The following TRIOBP variants were observed in gnomAD, a reference collection of about 807,000 sequenced individuals.
TRIOBP encodes TRIO and F-actin-binding protein.
TRIOBP carries 169 observed loss-of-function variants against 238.8 expected under a neutral mutation model. That is an observed-to-expected ratio of 0.71 (90% confidence interval 0.62 to 0.80). The LOEUF is 0.80. TRIOBP is among the 30% of genes least tolerant of loss of function. TRIOBP has a pLI of 0.00. For missense variants in TRIOBP, 2,838 were observed against 3,122.6 expected (o/e 0.91, Z 2.17); for synonymous variants, 1,150 against 1,274.4 (o/e 0.90, Z 2.08).
chr22:37,751,703 C>T (rs1485619228), intron 11 of TRIOBP, 69 bp from the exon 12 acceptor site: 16 of 1,553,760 alleles, frequency 1.0e-5, no homozygotes, highest in East Asian at 2.2e-5. Flanking sequence ...GGGTGCAGCA[C>T]GCTCCCCTCA....
intron 12 of TRIOBP, among the ~76,000 whole-genome samples, chr22:37,753,772 G>A (rs765731393): frequency 6.6e-6 from 1 of 152,222 alleles, no homozygotes; most frequent in African/African-American, 2.4e-5. Flanking sequence ...TCTTCTTGAG[G>A]AGAGAAAACT....
Position 37,724,937 on chromosome 22 carries a change from C to A in TRIOBP, c.2381C>A (p.Ser794Tyr). ...NRATRDNPRT[S>Y]CAQRDNLRAS... ...GCCACACGAGACAACCCCAGAACAT[C>A]CTGTGCCCAGCGGGACAATCTCAGA... The change falls in exon 7 of 24, where the codon TCC becomes TAC. Residue 794 changes from serine (S) to tyrosine (Y), a missense_variant. Transcript: ENST00000644935. 6.2e-7 allele frequency: 1 copy of A among 1,614,036 alleles called. No individual in the cohort carries two copies.
intron 3 of TRIOBP, among the ~76,000 whole-genome samples, chr22:37,708,793 C>G (rs1015527098): frequency 6.6e-6 from 1 of 152,138 alleles, no homozygotes; most frequent in Non-Finnish European, 1.5e-5. Context: ...GGATGGGGCC[C>G]GAGGTCCATC....
At chr22:37,718,151 CCCA>C (rs1271580896) in intron 6 of TRIOBP, among the ~76,000 whole-genome samples, 1 of 152,222 alleles carries the variant, frequency 6.6e-6, no homozygotes. Flanking sequence ...GCCCACCAAG[CCCA>C]CGCCCACCCG....
intron 3 of TRIOBP, among the ~76,000 whole-genome samples, chr22:37,704,403 AGAACAGAACAGAACAGAACAGAACAGAAC>A (rs1922819810): frequency 3.4e-5 from 1 of 29,400 alleles, no homozygotes; most frequent in Admixed American, 4.4e-4. Context: ...AGAACAGAAC[AGAACAGAACAGAACAGAACAGAACAGAAC>A]AGAACAGTAC....
chr22:37,755,605 G>C lies in TRIOBP; in HGVS notation c.5633G>C (p.Trp1878Ser). 1 of 1,614,114 alleles carries C rather than the reference G, an allele frequency of 6.2e-7. No homozygotes were observed. Among genetic ancestry groups the C allele is most frequent in the Non-Finnish European group, 8.5e-7 (1 of 1,180,032 alleles). ...SAMTSGIRRN[W>S]IEALRKTVRP... The stretch of plus-strand genomic sequence containing the variant: ...ATGACCTCAGGCATCCGGCGGAACT[G>C]GATCGAGGCTCTGAGAAAGACCGTA... The change falls in exon 15 of 24, where the codon TGG becomes TCG. Residue 1878 changes from tryptophan to serine, a missense_variant. Physicochemically the swap from Trp to Ser is radical, Grantham distance 177 (BLOSUM62 -3). This residue lies in a region of TRIOBP where 2,096 missense variants were observed against 2,137.4 expected (regional missense o/e 0.98). Coordinates refer to ENST00000644935, the MANE Select transcript of TRIOBP (RefSeq NM_001039141.3).
intron 18 of TRIOBP, among the ~76,000 whole-genome samples, chr22:37,767,041 A>G (rs1003897871): frequency 3.9e-5 from 6 of 152,100 alleles, no homozygotes; most frequent in Non-Finnish European, 4.4e-5. Flanking sequence ...TCACGAGGTC[A>G]GGAGTTCAAG....
In TRIOBP at chr22:37,715,403, C is replaced by T. The variant is rs569184202; in HGVS notation, c.457-360C>T. ...TGTCACCCAGGCTGGAGCTCAGTGG[C>T]GCGATCTCCACTCAATGCAAGCTCC... On this transcript the variant is annotated intron_variant, in intron 5 of 23. Transcript: ENST00000644935. 7.2e-5 allele frequency among the ~76,000 whole-genome samples: 11 copies of T among 151,976 alleles called. No homozygotes were observed. The East Asian group carries it at 1.7e-3, about 24-fold the overall frequency.
At chr22:37,761,994 T>C (rs1218312869) in intron 17 of TRIOBP, among the ~76,000 whole-genome samples, 1 of 144,316 alleles carries the variant, frequency 6.9e-6, no homozygotes, top group Non-Finnish European at 1.5e-5. Context: ...CTGCAGGGGC[T>C]GCTTTCTGGG....
rs758663750 is a variant in TRIOBP at position 37,701,482 on chromosome 22, G to A, written c.114+3G>A. ...AGGCCCATGGAGCAAGATACCAGGT[G>A]GGCCAGTTTTCCACGTGGTTGGGGT... On this transcript the variant is annotated splice_donor_region_variant and intron_variant, in intron 3 of 23. Coordinates refer to ENST00000644935, the MANE Select transcript of TRIOBP (RefSeq NM_001039141.3). The A allele has an allele frequency of 1.2e-5, 20 of 1,606,910 alleles. No homozygotes were observed. The South Asian group carries it at 1.9e-4, about 15-fold the overall frequency.
In TRIOBP at chr22:37,755,090, T is replaced by C. The variant is rs778159888; in HGVS notation, c.5488-11T>C. On this transcript the variant is annotated splice_polypyrimidine_tract_variant and intron_variant, in intron 13 of 23. Coordinates refer to ENST00000644935, the MANE Select transcript of TRIOBP (RefSeq NM_001039141.3). Reference sequence around the variant, plus strand: ...GGCCCACACGGACCATAGTGGGCCCTCTTGCTCCAGGCAGATGAGCTGGAT... The same window carrying C: ...GGCCCACACGGACCATAGTGGGCCCCCTTGCTCCAGGCAGATGAGCTGGAT... 3 of 1,612,328 alleles carry C rather than the reference T, an allele frequency of 1.9e-6. No individual in the cohort carries two copies. Among genetic ancestry groups the C allele is most frequent in the Non-Finnish European group, 2.5e-6 (3 of 1,179,350 alleles).
chr22:37,733,485 C>A, intron 8 of TRIOBP, 73 bp downstream of exon 8: 1 of 1,198,160 alleles, frequency 8.3e-7, no homozygotes, highest in Non-Finnish European at 1.2e-6. Flanking sequence ...CGCTAGAAGC[C>A]AGGCAGGGGG....
chr22:37,772,785 C>T (rs1926850239), intron 23 of TRIOBP, 21 bp downstream of exon 23: 1 of 1,609,240 alleles, frequency 6.2e-7, no homozygotes, highest in South Asian at 1.1e-5. Flanking sequence ...AGGCGTGTGC[C>T]CTGCAGGGTG....
chr22:37,768,881 C>G (rs933365485), intron 19 of TRIOBP, 147 bp from the exon 20 acceptor site: 2 of 1,072,870 alleles, frequency 1.9e-6, no homozygotes, highest in Non-Finnish European at 2.8e-6. Context: ...GAGAAGCTGT[C>G]ACTGGTTCAC....
rs768735088 is a variant in TRIOBP, at chr22:37,734,606, C to G, written c.4270C>G (p.Leu1424Val). 4.4e-6 allele frequency: 7 copies of G among 1,582,184 alleles called. No individual in the cohort carries two copies. Among genetic ancestry groups the G allele is most frequent in the Middle Eastern group, 3.3e-4 (2 of 6,024 alleles). ...TGGCCAAGCAGGCCCAAGACAGCCT[C>G]TGGGGGTGTGGCAGAGTCAGGAGGA... ...ESGQAGPRQP[L>V]GVWQSQEEPP... The change falls in exon 9 of 24, where the codon CTG (leucine) becomes GTG (valine). Residue 1424 changes from leucine to valine, a missense_variant. Leu to Val is a conservative substitution (Grantham distance 32). This residue lies in a region of TRIOBP where 2,096 missense variants were observed against 2,137.4 expected (regional missense o/e 0.98). Transcript: ENST00000644935.
chr22:37,768,174 C>T lies in TRIOBP; in HGVS notation c.6573C>T (p.His2191=), dbSNP rs770856614. 1 of 1,610,860 alleles carries T rather than the reference C, an allele frequency of 6.2e-7. No homozygotes were observed. Among genetic ancestry groups the T allele is most frequent in the African/African-American group, 1.3e-5 (1 of 74,854 alleles). ...GCCCGGATGGCCTCCGGAAGCAGCA[C>T]CAGTAAGATGATGCCGGGGCCCAAC... is the stretch of plus-strand genomic sequence containing the variant. ...QQGPDGLRKQ[H]QSDVEALKRE... Residue 2191 remains histidine, a splice_region_variant and synonymous_variant, in exon 19 of 24, where the codon CAC becomes CAT. Transcript: ENST00000644935.
chr22:37,715,255 T>C (rs1337562438), intron 5 of TRIOBP, among the ~76,000 whole-genome samples: 2 of 152,168 alleles, frequency 1.3e-5, no homozygotes, highest in Non-Finnish European at 2.9e-5. Context: ...CCTCAGGTGA[T>C]CCACCTGCCT....
At chr22:37,754,735 G>C in intron 12 of TRIOBP, 142 bp from the exon 13 acceptor site, 1 of 787,204 alleles carries the variant, frequency 1.3e-6, no homozygotes, top group Admixed American at 2.0e-5. Context: ...CTGAGGCTCA[G>C]AGAGGAAATG....
chr22:37,740,046 A>C (rs1031533894), intron 10 of TRIOBP, among the ~76,000 whole-genome samples: 2 of 148,588 alleles, frequency 1.3e-5, no homozygotes, highest in Non-Finnish European at 1.5e-5. Context: ...GAGCGCCATC[A>C]AAGAGTTCAG....
Sources: allele counts gnomAD v4.1 joint callset (sites outside exome capture counted in the v4.1 genomes callset), GRCh38; gene constraint gnomAD v4.1.1; regional missense constraint gnomAD v4.1.1; transcripts MANE v1.5; gene names NCBI Gene and HGNC (gene_info 2026-07-23, HGNC 2026-07-21).